The following ZFHX4 variants were observed in gnomAD, a reference collection of about 807,000 sequenced individuals.
ZFHX4 encodes zinc finger homeobox 4.
A neutral mutation model predicts 267.6 loss-of-function variants in ZFHX4; 56 were observed. That is an observed-to-expected ratio of 0.21 (90% CI 0.17 to 0.26). The LOEUF is 0.26. ZFHX4 is among the 10% of genes least tolerant of loss of function. ZFHX4 has a pLI of 1.00. For missense variants in ZFHX4, 4,332 were observed against 4,420.0 expected, an observed-to-expected ratio of 0.98 and a Z score of 0.56; for synonymous variants, 1,778 against 1,665.6, an observed-to-expected ratio of 1.07 and a Z score of -1.64.
chr8:76,793,634 CCATAAAA>C, intron 4 of ZFHX4, among the ~76,000 whole-genome samples: 1 of 152,224 alleles, frequency 6.6e-6, no homozygotes, highest in East Asian at 1.9e-4. Flanking sequence ...AGATCAGAAG[CCATAAAA>C]CAGTTTAGTT....
intron 3 of ZFHX4, among the ~76,000 whole-genome samples, chr8:76,723,368 G>T (rs1808773310): frequency 6.6e-6 from 1 of 151,960 alleles, no homozygotes; most frequent in African/African-American, 2.4e-5. Flanking sequence ...AGTTCTAAGA[G>T]CTGAGATTAT....
rs766005588 is a variant in ZFHX4, at chr8:76,705,009, C to T, written c.921C>T (p.Asp307=). The T allele has an allele frequency of 1.9e-6, 3 of 1,613,668 alleles. No homozygotes were observed. The highest frequency in any genetic ancestry group is 2.2e-5 in the East Asian group (1 of 44,896). The change falls in exon 2 of 11, where the codon GAC becomes GAT. Residue 307 remains aspartate (D), a synonymous_variant. Transcript: ENST00000651372. ...ATGATCATCGGATGACCCTCAATGA[C>T]GAGGAGCAGAAGCTCCTCAGTAATA... is the stretch of plus-strand genomic sequence containing the variant. The part of the protein sequence containing the change: ...AVHDHRMTLN[D]EEQKLLSNKC...
intron 4 of ZFHX4, among the ~76,000 whole-genome samples, chr8:76,831,071 A>T (rs539571600): frequency 3.9e-5 from 6 of 152,346 alleles, no homozygotes; most frequent in African/African-American, 1.4e-4. Flanking sequence ...TTTAAGCTCT[A>T]GCTTCTTGAT....
chr8:76,769,097 CAATAA>C (rs1309170639), intron 3 of ZFHX4, among the ~76,000 whole-genome samples: 2 of 151,528 alleles, frequency 1.3e-5, no homozygotes, highest in Non-Finnish European at 2.9e-5. Flanking sequence ...GACCCTGTCT[CAATAA>C]AATAAAATAA....
At chr8:76,816,888 GC>G (rs1811521255) in intron 4 of ZFHX4, among the ~76,000 whole-genome samples, 1 of 152,086 alleles carries the variant, frequency 6.6e-6, no homozygotes, top group Non-Finnish European at 1.5e-5. Context: ...GAGCCACCGT[GC>G]CCAGCCTTAA....
At chr8:76,798,296 A>C (rs1811034725) in intron 4 of ZFHX4, among the ~76,000 whole-genome samples, 1 of 152,120 alleles carries the variant, frequency 6.6e-6, no homozygotes, top group South Asian at 2.1e-4. Context: ...AAGGGAACCC[A>C]TTATGCAAGG....
At chr8:76,745,231 C>G (rs914826152) in intron 3 of ZFHX4, among the ~76,000 whole-genome samples, 1 of 152,140 alleles carries the variant, frequency 6.6e-6, no homozygotes, top group South Asian at 2.1e-4. Context: ...CTCTATGACC[C>G]TCCCTCCTTG....
intron 3 of ZFHX4, among the ~76,000 whole-genome samples, chr8:76,777,257 G>T (rs889958791): frequency 1.8e-4 from 27 of 152,132 alleles, no homozygotes; most frequent in African/African-American, 6.3e-4. Context: ...TACTGTAACA[G>T]AATATGTTTG....
At chr8:76,862,577 T>G (rs1254409711) in intron 10 of ZFHX4, among the ~76,000 whole-genome samples, 1 of 152,232 alleles carries the variant, frequency 6.6e-6, no homozygotes, top group African/African-American at 2.4e-5. Flanking sequence ...TTGTTCAATG[T>G]AAGTGTATTT....
rs1271879144 is a variant in ZFHX4 at position 76,681,424 on chromosome 8, C to A, written c.-243C>A. The A allele has an allele frequency of 1.3e-5, 5 of 398,622 alleles. No homozygotes were observed. The highest frequency in any genetic ancestry group is 7.1e-5 in the East Asian group (2 of 28,062). The allele number at this position is 398,622 out of a possible 1,614,324, so 24.7% of individuals were successfully genotyped here. ...CATGCTTTAACTCCTCCCGGACCCC[C>A]GAGGACCGCTCCATGCCCCCCACTT... On this transcript the variant is annotated 5_prime_UTR_variant, in exon 1 of 11. Transcript: ENST00000651372.
chr8:76,850,853 T>G, intron 9 of ZFHX4, 33 bp from the exon 10 acceptor site: 1 of 1,501,142 alleles, frequency 6.7e-7, no homozygotes, highest in South Asian at 1.3e-5. Flanking sequence ...GTTTTCTTAT[T>G]GTAAGAGAGA....
rs1337353484 is a variant in ZFHX4, at chr8:76,864,302, C to A, written c.10588C>A (p.Leu3530Ile). Residue 3530 changes from leucine to isoleucine, a missense_variant, in exon 11 of 11, where the codon CTT becomes ATT. Leu to Ile is a conservative substitution (Grantham distance 5). Transcript: ENST00000651372. ...CFSMKSWPNILFQASARRAAS... is the reference protein window; with the variant it reads ...CFSMKSWPNIIFQASARRAAS... ...CTCCATGAAGTCCTGGCCTAATATC[C>A]TTTTCCAAGCGTCTGCCAGGAGAGC... 1.9e-6 allele frequency: 3 copies of A among 1,613,752 alleles called. No homozygotes were observed. The African/African-American group carries it at 4.0e-5, about 22-fold the overall frequency.
At chr8:76,783,816 G>T (rs1381082520) in intron 4 of ZFHX4, among the ~76,000 whole-genome samples, 1 of 151,986 alleles carries the variant, frequency 6.6e-6, no homozygotes, top group Non-Finnish European at 1.5e-5. Flanking sequence ...GGGGCTTCCA[G>T]TTGTCAACAT....
chr8:76,814,443 G>T (rs1186850959), intron 4 of ZFHX4, among the ~76,000 whole-genome samples: 2 of 152,008 alleles, frequency 1.3e-5, no homozygotes, highest in South Asian at 4.2e-4. Context: ...ATTAACCTGA[G>T]ACCCATGGAC....
Position 76,851,906 on chromosome 8 carries a change from A to T in ZFHX4, c.4985A>T (p.Asp1662Val). 3 of 1,613,998 alleles carry T rather than the reference A, an allele frequency of 1.9e-6. No individual in the cohort carries two copies. The highest frequency in any genetic ancestry group is 1.7e-6 in the Non-Finnish European group (2 of 1,179,872). ...AGTTTAGCAGCTGTAAACAGCAAAG[A>T]TACCCATTTAGATGCCAAAGAATTA... The part of the protein sequence containing the change: ...SMSLAAVNSK[D>V]THLDAKELNK... The change falls in exon 10 of 11, where the codon GAT (aspartate) becomes GTT (valine). Residue 1662 changes from aspartate (D) to valine (V), a missense_variant. Physicochemically the swap from Asp to Val is radical, Grantham distance 152 (BLOSUM62 -3). This residue lies in a region of ZFHX4 where 1,371 missense variants were observed against 1,423.1 expected (regional missense o/e 0.96). Transcript: ENST00000651372.
intron 4 of ZFHX4, among the ~76,000 whole-genome samples, chr8:76,819,347 A>G (rs1811586030): frequency 1.3e-5 from 2 of 152,218 alleles, no homozygotes; most frequent in East Asian, 1.9e-4. Flanking sequence ...TCATTTTTAT[A>G]TCTTTCTAAA....
intron 10 of ZFHX4, among the ~76,000 whole-genome samples, chr8:76,857,900 C>A (rs897004670): frequency 2.0e-5 from 3 of 151,056 alleles, no homozygotes; most frequent in African/African-American, 7.3e-5. Flanking sequence ...TTTTATATAC[C>A]ACTGATTATT....
In ZFHX4 at chr8:76,704,610, A is replaced by T; in HGVS notation, c.522A>T (p.Gly174=). 1 of 1,614,022 alleles carries T rather than the reference A, an allele frequency of 6.2e-7. No homozygotes were observed. The highest frequency in any genetic ancestry group is 8.5e-7 in the Non-Finnish European group (1 of 1,179,888). The stretch of plus-strand genomic sequence containing the variant: ...TCCTGGACTCCCTGGCATCTGCTGG[A>T]GAGAAGAGTGATCAGTCTGCTTCTG... ...AMFLDSLASA[G]EKSDQSASAP... is the part of the protein sequence containing the mutation. Residue 174 remains glycine (G), a synonymous_variant, in exon 2 of 11, where the codon GGA becomes GGT. Coordinates refer to ENST00000651372, the MANE Select transcript of ZFHX4 (RefSeq NM_024721.5).
At chr8:76,786,217 C>T (rs1343227997) in intron 4 of ZFHX4, among the ~76,000 whole-genome samples, 1 of 151,904 alleles carries the variant, frequency 6.6e-6, no homozygotes, top group African/African-American at 2.4e-5. Flanking sequence ...CGTTTTGAGA[C>T]AGAACTTTTA....
Sources: gnomAD v4.1 joint callset for allele counts (sites outside exome capture counted in the v4.1 genomes callset) on GRCh38, gnomAD v4.1.1 for gene constraint, gnomAD v4.1.1 regional missense constraint, MANE v1.5 for transcripts, NCBI Gene and HGNC (gene_info 2026-07-23, HGNC 2026-07-21) for gene names.